TBC1D1: variants seen among roughly 807,000 people sequenced by gnomAD.
TBC1D1 encodes TBC1 domain family member 1.
TBC1D1 carries 89 observed loss-of-function variants against 125.6 expected under a neutral mutation model. The ratio of observed to expected loss-of-function variants is 0.71; its 90% CI spans 0.60 to 0.85. The LOEUF (loss-of-function observed/expected upper bound fraction) is 0.85. TBC1D1 is among the 40% of genes least tolerant of loss of function. TBC1D1 has a pLI of 0.00. For synonymous variants in TBC1D1, 565 were observed against 564.1 expected, an observed-to-expected ratio of 1.00 and a Z score of -0.02; for missense variants, 1,377 against 1,469.2, an observed-to-expected ratio of 0.94 and a Z score of 1.03.
intron 8 of TBC1D1, among the ~76,000 whole-genome samples, chr4:38,043,201 C>G (rs898930965): frequency 6.6e-6 from 1 of 151,894 alleles, no homozygotes; most frequent in Non-Finnish European, 1.5e-5. Flanking sequence ...TGCGCCTGGC[C>G]GTTTTTTTTT....
intron 11 of TBC1D1, among the ~76,000 whole-genome samples, chr4:38,051,686 C>T (rs1028166874): frequency 6.6e-6 from 1 of 152,018 alleles, no homozygotes; most frequent in Non-Finnish European, 1.5e-5. Context: ...TGGTCAAGAA[C>T]GGCCGTCAAT....
At chr4:38,072,624 G>T (rs1304538400) in intron 12 of TBC1D1, among the ~76,000 whole-genome samples, 1 of 151,052 alleles carries the variant, frequency 6.6e-6, no homozygotes, top group East Asian at 1.9e-4. Context: ...TTTTATTGTG[G>T]TAAAAAACAT....
At position 38,096,007 on chromosome 4, in the gene TBC1D1, C is replaced by T. The variant is rs1477030473; in HGVS notation, c.2315C>T (p.Thr772Ile). 2.5e-6 allele frequency: 4 copies of T among 1,613,990 alleles called. No individual in the cohort carries two copies. The Admixed American group carries it at 6.7e-5, about 27-fold the overall frequency. The stretch of plus-strand genomic sequence containing the variant: ...ACTCCCTGTCTTAAAGAAGTAACTA[C>T]AGTGTGGGAAAAGATGCTTAGCACT... Residue 772 changes from threonine to isoleucine, a missense_variant, in exon 14 of 20, where the codon ACA (threonine) becomes ATA (isoleucine). Coordinates refer to ENST00000261439, the MANE Select transcript of TBC1D1 (RefSeq NM_015173.4).
intron 12 of TBC1D1, among the ~76,000 whole-genome samples, chr4:38,087,961 G>T (rs1275722404): frequency 6.7e-6 from 1 of 149,078 alleles, no homozygotes; most frequent in Admixed American, 6.8e-5. Flanking sequence ...TGACGCACAC[G>T]AGATTGTGAG....
intron 15 of TBC1D1, among the ~76,000 whole-genome samples, chr4:38,115,339 C>T (rs1348211245): frequency 2.0e-5 from 3 of 152,022 alleles, no homozygotes; most frequent in Non-Finnish European, 4.4e-5. Flanking sequence ...TGACCTCAGG[C>T]GATCCTTCCA....
chr4:37,969,181 C>T (rs12650959), intron 2 of TBC1D1, among the ~76,000 whole-genome samples: 12,134 of 152,178 alleles, frequency 0.08, 524 homozygotes, highest in South Asian at 0.11. Flanking sequence ...GAGCTTGAGG[C>T]CTCCAGCCCA....
chr4:38,094,235 G>A (rs909447412), intron 13 of TBC1D1, among the ~76,000 whole-genome samples: 1 of 152,154 alleles, frequency 6.6e-6, no homozygotes, highest in Non-Finnish European at 1.5e-5. Context: ...GAGCAGAATT[G>A]GGGATGGAGC....
At chr4:37,981,917 A>G (rs1246887665) in intron 2 of TBC1D1, among the ~76,000 whole-genome samples, 1 of 152,220 alleles carries the variant, frequency 6.6e-6, no homozygotes, top group Non-Finnish European at 1.5e-5. Context: ...GACCTCAGTA[A>G]TAAGAAAGGA....
intron 12 of TBC1D1, among the ~76,000 whole-genome samples, chr4:38,058,147 C>T (rs1752082137): frequency 6.6e-6 from 1 of 152,212 alleles, no homozygotes; most frequent in Admixed American, 6.5e-5. Flanking sequence ...GACCGCCTCC[C>T]TAATAGTTAG....
chr4:38,039,148 C>T (rs1282424943), intron 8 of TBC1D1, among the ~76,000 whole-genome samples: 1 of 93,958 alleles, frequency 1.1e-5, no homozygotes, highest in Non-Finnish European at 1.9e-5. Context: ...GACAGAGTCT[C>T]ACTCTGTCAC....
chr4:37,971,713 T>C (rs58082895), intron 2 of TBC1D1, among the ~76,000 whole-genome samples: 2,612 of 152,326 alleles, frequency 0.017, 74 homozygotes, highest in African/African-American at 0.06. Flanking sequence ...GATCTAAAAC[T>C]GTAAGAGTGG....
At chr4:38,054,659 G>C (rs1751353046) in intron 12 of TBC1D1, among the ~76,000 whole-genome samples, 1 of 152,204 alleles carries the variant, frequency 6.6e-6, no homozygotes, top group South Asian at 2.1e-4. Context: ...AAGGCAAAAG[G>C]AGAGACTGAG....
chr4:38,106,841 C>T (rs775583506), intron 15 of TBC1D1, among the ~76,000 whole-genome samples: 4 of 152,144 alleles, frequency 2.6e-5, no homozygotes, highest in African/African-American at 7.2e-5. Flanking sequence ...TGTGCCTGAG[C>T]CCCACCACGG....
At chr4:37,940,066 A>T (rs1289590156) in intron 2 of TBC1D1, among the ~76,000 whole-genome samples, 1 of 152,212 alleles carries the variant, frequency 6.6e-6, no homozygotes, top group Non-Finnish European at 1.5e-5. Flanking sequence ...GAAGAAAGTC[A>T]TTGGTAGCTT....
At chr4:38,114,755 T>A (rs1187971958) in intron 15 of TBC1D1, among the ~76,000 whole-genome samples, 1 of 151,872 alleles carries the variant, frequency 6.6e-6, no homozygotes, top group Non-Finnish European at 1.5e-5. Context: ...TTTGTGAAAA[T>A]AATCAGGATG....
At chr4:37,913,978 T>G (rs1339184639) in intron 2 of TBC1D1, among the ~76,000 whole-genome samples, 1 of 152,142 alleles carries the variant, frequency 6.6e-6, no homozygotes, top group Non-Finnish European at 1.5e-5. Context: ...CTTGAAACAC[T>G]CTCTTTTGGC....
chr4:38,045,309 ATTT>A (rs1560681821), intron 9 of TBC1D1, among the ~76,000 whole-genome samples: 1 of 152,148 alleles, frequency 6.6e-6, no homozygotes, highest in East Asian at 1.9e-4. Flanking sequence ...ATTTTATTTT[ATTT>A]TTTAATTAAG....
In TBC1D1 at chr4:38,021,736, T is replaced by C; in HGVS notation, c.1210+18T>C. On this transcript the variant is annotated intron_variant, in intron 6 of 19. Transcript: ENST00000261439. The stretch of plus-strand genomic sequence containing the variant: ...GATAGAGGGTGAGTAGGGGACCCTT[T>C]CCAGCATGAACACAGTGGGAGTTAA... The C allele has an allele frequency of 6.5e-7, 1 of 1,527,028 alleles. No individual in the cohort carries two copies. The highest frequency in any genetic ancestry group is 2.4e-5 in the East Asian group (1 of 41,668). 94.6% of individuals were successfully genotyped at this position (1,527,028 alleles called of 1,614,324 possible).
At chr4:38,047,892 A>G (rs975408120) in intron 10 of TBC1D1, among the ~76,000 whole-genome samples, 3 of 152,210 alleles carry the variant, frequency 2.0e-5, no homozygotes, top group African/African-American at 7.2e-5. Flanking sequence ...GAAGACATTC[A>G]TGTCACTCAG....
Sources: gnomAD v4.1 joint callset for allele counts (sites outside exome capture counted in the v4.1 genomes callset) on GRCh38, gnomAD v4.1.1 for gene constraint, MANE v1.5 for transcripts, NCBI Gene and HGNC (gene_info 2026-07-23, HGNC 2026-07-21) for gene names.